Variants in B3GALNT2 observed in about 807,000 individuals in gnomAD.
B3GALNT2 encodes the protein beta-1,3-N-acetylgalactosaminyltransferase 2.
B3GALNT2 carries 53 observed loss-of-function variants against 61.1 expected under a neutral mutation model. That is an observed-to-expected ratio of 0.87 (90% CI 0.70 to 1.09). B3GALNT2 has a LOEUF of 1.09. Ranked by LOEUF, B3GALNT2 falls within the 50% of genes least tolerant of loss-of-function variation. The pLI is 0.00. For synonymous variants in B3GALNT2, 223 were observed against 237.4 expected (o/e 0.94, Z 0.56); for missense variants, 544 against 623.0 (o/e 0.87, Z 1.35).
At chr1:235,474,972 TATATATATA>T (rs1167445437) in intron 5 of B3GALNT2, among the ~76,000 whole-genome samples, 1,084 of 40,222 alleles carry the variant, frequency 0.027, 81 homozygotes, top group African/African-American at 0.057. Context: ...TATATATATA[TATATATATA>T]TATATATTTT....
intron 4 of B3GALNT2, among the ~76,000 whole-genome samples, 171 bp downstream of exon 4, chr1:235,484,151 C>T (rs1287807084): frequency 1.3e-5 from 2 of 152,110 alleles, no homozygotes; most frequent in East Asian, 1.9e-4. Flanking sequence ...TATCCCCAAA[C>T]CAGTCTTATA....
At position 235,470,958 on chromosome 1, in the gene B3GALNT2, G is replaced by A. The variant is rs939055750; in HGVS notation, c.654C>T (p.Ser218=). Residue 218 remains serine (S), a splice_region_variant and synonymous_variant, in exon 6 of 12, where the codon AGC becomes AGT. Transcript: ENST00000366600. ...KPVEQFILPE[S]FEGTIVWESQ... ...TCTCCCACACGATTGTACCTTCAAAGCTCTTTTGTAGAAAGATGAATAGTG... is the reference window on the plus strand; with the variant it reads ...TCTCCCACACGATTGTACCTTCAAAACTCTTTTGTAGAAAGATGAATAGTG... 3.7e-6 allele frequency: 6 copies of A among 1,613,624 alleles called. No individual in the cohort carries two copies. Among genetic ancestry groups the A allele is most frequent in the Non-Finnish European group, 5.1e-6 (6 of 1,179,742 alleles).
At position 235,504,235 on chromosome 1, in the gene B3GALNT2, C is replaced by T; in HGVS notation, c.18G>A (p.Val6=). The change falls in exon 1 of 12, where the codon GTG becomes GTA. Residue 6 remains valine (V), a synonymous_variant. Coordinates refer to ENST00000366600, the MANE Select transcript of B3GALNT2 (RefSeq NM_152490.5). The part of the protein sequence containing the change: MRNWL[V]LLCPCVLGAA... The stretch of plus-strand genomic sequence containing the variant: ...CCCCGAGCACACACGGGCACAGCAG[C>T]ACCAGCCAGTTTCGCATTGGCCGCC... The T allele has an allele frequency of 2.0e-6, 3 of 1,484,706 alleles. No homozygotes were observed. Among genetic ancestry groups the T allele is most frequent in the Non-Finnish European group, 1.8e-6 (2 of 1,123,840 alleles). 92.0% of individuals were successfully genotyped at this position (1,484,706 alleles called of 1,614,324 possible).
In B3GALNT2 at chr1:235,448,569, G is replaced by T. The variant is rs1682642101; in HGVS notation, c.*1637C>A. 2.9e-6 allele frequency: 4 copies of T among 1,370,484 alleles called. No individual in the cohort carries two copies. In the South Asian group the frequency reaches 3.5e-5, roughly 12 times the overall value. The allele number at this position is 1,370,484 out of a possible 1,614,324, so 84.9% of individuals were successfully genotyped here. A position where few individuals can be genotyped will look rare whatever the true frequency, so the allele number is the denominator to read the frequency against. On this transcript the variant is annotated 3_prime_UTR_variant, in exon 12 of 12. Coordinates refer to ENST00000366600, the MANE Select transcript of B3GALNT2 (RefSeq NM_152490.5). ...TGGGTCTGTTTGTTTGATTTTAAGG[G>T]TAAGCTACTGCCTGGGGACGGGGTG...
intron 1 of B3GALNT2, among the ~76,000 whole-genome samples, chr1:235,501,346 G>A (rs1273527511): frequency 6.6e-6 from 1 of 152,102 alleles, no homozygotes; most frequent in Non-Finnish European, 1.5e-5. Context: ...TGCTGACTCT[G>A]GTACTAAGGT....
At chr1:235,468,000 G>C (rs1239794956) in intron 6 of B3GALNT2, among the ~76,000 whole-genome samples, 2 of 152,002 alleles carry the variant, frequency 1.3e-5, no homozygotes, top group South Asian at 4.1e-4. Context: ...GGCTGGTCTC[G>C]AACTCCTGAC....
rs1173125096 is a variant in B3GALNT2 at position 235,504,418 on chromosome 1, C to T, written c.-166G>A. The T allele has an allele frequency of 2.9e-5, 20 of 692,984 alleles. No individual in the cohort carries two copies. The South Asian group carries it at 4.9e-4, about 17-fold the overall frequency. 42.9% of individuals were successfully genotyped at this position (692,984 alleles called of 1,614,324 possible). ...GCTCCTCGCAGCTCCCGGCCCCGCT[C>T]CTCCGGTCCCTCAGACCGCGGGTGG... On this transcript the variant is annotated 5_prime_UTR_variant, in exon 1 of 12. Transcript: ENST00000366600.
In B3GALNT2 at chr1:235,448,560, A is replaced by AT. The variant is rs752784694; in HGVS notation, c.*1645dup. 21 of 1,384,500 alleles carry AT rather than the reference A, an allele frequency of 1.5e-5. No homozygotes were observed. The highest frequency in any genetic ancestry group is 3.4e-5 in the Admixed American group (2 of 59,544). The allele number at this position is 1,384,500 out of a possible 1,614,324, so 85.8% of individuals were successfully genotyped here. A position where few individuals can be genotyped will look rare whatever the true frequency, so the allele number is the denominator to read the frequency against. ...TGGAGACCATGGGTCTGTTTGTTTGATTTTAAGGGTAAGCTACTGCCTGGG... is the reference window on the plus strand; with the variant it reads ...TGGAGACCATGGGTCTGTTTGTTTGATTTTTAAGGGTAAGCTACTGCCTGGG... On this transcript the variant is annotated 3_prime_UTR_variant, in exon 12 of 12. Coordinates refer to ENST00000366600, the MANE Select transcript of B3GALNT2 (RefSeq NM_152490.5).
intron 5 of B3GALNT2, among the ~76,000 whole-genome samples, chr1:235,472,593 T>C (rs1048231532): frequency 6.6e-6 from 1 of 152,224 alleles, no homozygotes; most frequent in East Asian, 1.9e-4. Flanking sequence ...AGGAAGGAGC[T>C]TGCCTGATCA....
At chr1:235,482,962 G>A (rs74927550) in intron 4 of B3GALNT2, among the ~76,000 whole-genome samples, 106 of 152,222 alleles carry the variant, frequency 7.0e-4, no homozygotes, top group Non-Finnish European at 1.2e-3. Flanking sequence ...CAGAATAAGC[G>A]TACACAGATT....
chr1:235,490,422 G>GA (rs1011832772), intron 2 of B3GALNT2, among the ~76,000 whole-genome samples: 19 of 152,196 alleles, frequency 1.2e-4, no homozygotes, highest in African/African-American at 3.9e-4. Flanking sequence ...GTAGAGACGG[G>GA]ATTTCACCAT....
At chr1:235,484,546 A>G in intron 3 of B3GALNT2, 31 bp from the exon 4 acceptor site, 2 of 1,594,312 alleles carry the variant, frequency 1.3e-6, no homozygotes, top group Non-Finnish European at 1.7e-6. Flanking sequence ...TATATAACTG[A>G]ACAAATGTAA....
At chr1:235,440,124 C>T in the B3GALNT2 span, among the ~76,000 whole-genome samples, 2 of 152,134 alleles carry the variant, frequency 1.3e-5, no homozygotes, top group East Asian at 1.9e-4. Context: ...GCGCCCACCA[C>T]CACACCCGGC....
chr1:235,500,634 C>T (rs1340466286), intron 1 of B3GALNT2, among the ~76,000 whole-genome samples: 2 of 152,100 alleles, frequency 1.3e-5, no homozygotes, highest in Non-Finnish European at 2.9e-5. Flanking sequence ...ATGAAGAAAA[C>T]ATGTGAGCCT....
downstream of B3GALNT2, among the ~76,000 whole-genome samples, chr1:235,442,573 T>G (rs1378723236): frequency 6.6e-6 from 1 of 152,176 alleles, no homozygotes; most frequent in Admixed American, 6.5e-5. Context: ...GGTATTGGAG[T>G]TGTGAACCAA....
chr1:235,491,595 C>T (rs1015090483), intron 2 of B3GALNT2, among the ~76,000 whole-genome samples: 2 of 152,154 alleles, frequency 1.3e-5, no homozygotes, highest in South Asian at 4.2e-4. Context: ...ATTGATGATT[C>T]CACTATTCTC....
chr1:235,460,579 T>A (rs1457868234), intron 7 of B3GALNT2, among the ~76,000 whole-genome samples: 1 of 141,936 alleles, frequency 7.0e-6, no homozygotes, highest in Admixed American at 7.0e-5. Flanking sequence ...ATTTCCTTTG[T>A]TTTTTTTTTT....
chr1:235,446,163 T>C (rs1682259454), downstream of B3GALNT2, among the ~76,000 whole-genome samples: 1 of 151,654 alleles, frequency 6.6e-6, no homozygotes, highest in African/African-American at 2.4e-5. Context: ...TACGTCAATA[T>C]ATTATAAAAC....
rs1682769042 is a variant in B3GALNT2, at chr1:235,449,597, A to G, written c.*609T>C. 6.6e-6 allele frequency: 1 copy of G among 152,422 alleles called. No homozygotes were observed. The highest frequency in any genetic ancestry group is 2.4e-5 in the African/African-American group (1 of 41,446). 9.4% of individuals were successfully genotyped at this position (152,422 alleles called of 1,614,324 possible). A position where few individuals can be genotyped will look rare whatever the true frequency, so the allele number is the denominator to read the frequency against. ...CTACCATATAAATGAACTTCTTTAA[A>G]ACCAAGGTTCAGAACTGAGAATCAT... On this transcript the variant is annotated 3_prime_UTR_variant, in exon 12 of 12. Coordinates refer to ENST00000366600, the MANE Select transcript of B3GALNT2 (RefSeq NM_152490.5).
Sources: gnomAD v4.1 joint callset for allele counts (sites outside exome capture counted in the v4.1 genomes callset) on GRCh38, gnomAD v4.1.1 for gene constraint, MANE v1.5 for transcripts, NCBI Gene and HGNC (gene_info 2026-07-23, HGNC 2026-07-21) for gene names.